Variants in TMEM217 observed in about 807,000 individuals in gnomAD.
The protein encoded by TMEM217 is chromosome 6 open reading frame 128.
For synonymous variants in TMEM217, 76 were observed against 88.3 expected (o/e 0.86, Z 0.78); for missense variants, 204 against 248.8 (o/e 0.82, Z 1.21).
At chr6:37,254,193 G>A (rs985500796) in intron 1 of TMEM217, among the ~76,000 whole-genome samples, 1 of 152,152 alleles carries the variant, frequency 6.6e-6, no homozygotes, top group African/African-American at 2.4e-5. Flanking sequence ...CAGACCTCCT[G>A]AATCAGAATC....
rs551892112 is a variant in TMEM217, at chr6:37,233,303, A to G, written c.-11-14262T>C. Among the ~76,000 whole-genome samples the G allele has an allele frequency of 4.6e-5, 7 of 152,310 alleles. No individual in the cohort carries two copies. In the South Asian group the frequency reaches 1.4e-3, roughly 32 times the overall value. On this transcript the variant is annotated intron_variant, in intron 1 of 1. Transcript: ENST00000357219. ...ACTCTCCTTCCCACCAATCTCTTGA[A>G]TCATTATTTTTCTGATCCATCTTAG...
intron 1 of TMEM217, among the ~76,000 whole-genome samples, chr6:37,253,275 C>T (rs915741061): frequency 2.6e-5 from 4 of 152,012 alleles, no homozygotes; most frequent in Non-Finnish European, 5.9e-5. Flanking sequence ...TTTTCATTTT[C>T]CCCTGTTTAT....
At chr6:37,240,790 T>C (rs1764728436) in intron 1 of TMEM217, among the ~76,000 whole-genome samples, 1 of 152,216 alleles carries the variant, frequency 6.6e-6, no homozygotes, top group African/African-American at 2.4e-5. Context: ...CATCAAATGG[T>C]TGTTACTAAT....
At chr6:37,252,405 T>C (rs1392659748) in intron 1 of TMEM217, among the ~76,000 whole-genome samples, 2 of 151,866 alleles carry the variant, frequency 1.3e-5, no homozygotes, top group Non-Finnish European at 2.9e-5. Context: ...CCTAAAAATA[T>C]CTACAATCCT....
chr6:37,221,375 C>T (rs759318489), intron 1 of TMEM217, among the ~76,000 whole-genome samples: 13 of 151,854 alleles, frequency 8.6e-5, no homozygotes, highest in Non-Finnish European at 1.6e-4. Context: ...TTAGTAGAGA[C>T]GGGGTTTCGC....
downstream of TMEM217, chr6:37,215,058 C>T: frequency 9.6e-7 from 1 of 1,045,526 alleles, no homozygotes; most frequent in Non-Finnish European, 1.4e-6. Flanking sequence ...GTATAAAGCC[C>T]ACTGGTTCCA....
chr6:37,234,205 T>C (rs945647199), intron 1 of TMEM217, among the ~76,000 whole-genome samples: 2 of 152,012 alleles, frequency 1.3e-5, no homozygotes, highest in African/African-American at 4.8e-5. Context: ...ATTTGAATGA[T>C]TCTCCTGCCT....
At position 37,257,925 on chromosome 6, in the gene TMEM217, C is replaced by T. The variant is rs760828423; in HGVS notation, c.-369G>A. 40 of 1,613,884 alleles carry T rather than the reference C, an allele frequency of 2.5e-5. 1 individual carries two copies. In the South Asian group the frequency reaches 4.1e-4, roughly 16 times the overall value. The stretch of plus-strand genomic sequence containing the variant: ...CTTCCCCCGGCCAGAGCAATGGCCG[C>T]TGAGAACAGCAAGCAGTTTTGGAAG... On this transcript the variant is annotated 5_prime_UTR_variant, in exon 1 of 2. Transcript: ENST00000357219.
At chr6:37,227,390 C>T (rs1763897161) in intron 1 of TMEM217, among the ~76,000 whole-genome samples, 1 of 152,162 alleles carries the variant, frequency 6.6e-6, no homozygotes, top group Non-Finnish European at 1.5e-5. Context: ...TTTTTCCCAT[C>T]TATGCGGCAA....
intron 1 of TMEM217, among the ~76,000 whole-genome samples, chr6:37,244,971 T>G (rs1764974741): frequency 6.6e-6 from 1 of 152,218 alleles, no homozygotes; most frequent in Non-Finnish European, 1.5e-5. Flanking sequence ...TTTTTCATCA[T>G]CCAGCAGGCT....
chr6:37,255,391 G>T (rs1380639838), intron 1 of TMEM217, among the ~76,000 whole-genome samples: 1 of 152,020 alleles, frequency 6.6e-6, no homozygotes, highest in Non-Finnish European at 1.5e-5. Context: ...TTTTAACAGG[G>T]TGTCTCTGGG....
intron 1 of TMEM217, among the ~76,000 whole-genome samples, chr6:37,229,351 T>TG (rs1562010392): frequency 1.5e-5 from 2 of 136,428 alleles, no homozygotes; most frequent in African/African-American, 5.6e-5. Context: ...TTTTTTTTTT[T>TG]TTTTTTTTTG....
chr6:37,255,496 A>C (rs1379066842), intron 1 of TMEM217, among the ~76,000 whole-genome samples: 1 of 152,146 alleles, frequency 6.6e-6, no homozygotes, highest in Non-Finnish European at 1.5e-5. Context: ...CAGCCTGGGC[A>C]ACATGGTGAA....
chr6:37,227,412 G>A (rs1240666141), intron 1 of TMEM217, among the ~76,000 whole-genome samples: 2 of 152,010 alleles, frequency 1.3e-5, no homozygotes, highest in African/African-American at 4.8e-5. Flanking sequence ...ACTTCCAAGT[G>A]TGTACTCTTG....
chr6:37,226,225 G>C (rs191402121), intron 1 of TMEM217, among the ~76,000 whole-genome samples: 68 of 148,656 alleles, frequency 4.6e-4, no homozygotes, highest in African/African-American at 1.7e-3. Flanking sequence ...TTTATCTCAA[G>C]ATCACCATTC....
intron 1 of TMEM217, among the ~76,000 whole-genome samples, chr6:37,237,239 C>T (rs1024165573): frequency 6.6e-6 from 1 of 152,122 alleles, no homozygotes; most frequent in Non-Finnish European, 1.5e-5. Context: ...ATCAAAGTTC[C>T]CGCATTTGCC....
At chr6:37,234,300 A>G (rs1277510495) in intron 1 of TMEM217, among the ~76,000 whole-genome samples, 1 of 152,012 alleles carries the variant, frequency 6.6e-6, no homozygotes, top group African/African-American at 2.4e-5. Context: ...GGGTTTCTCC[A>G]TGTTGGCCAG....
chr6:37,257,795 A>G, exon 1 of TMEM217: 1 of 1,055,386 alleles, frequency 9.5e-7, no homozygotes, highest in Non-Finnish European at 1.4e-6. Flanking sequence ...CGTCCCCAGG[A>G]GCTGGGAGCG....
intron 1 of TMEM217, among the ~76,000 whole-genome samples, chr6:37,241,744 A>G (rs1481292268): frequency 6.6e-6 from 1 of 152,188 alleles, no homozygotes; most frequent in Admixed American, 6.5e-5. Context: ...GACATTTTGT[A>G]TATATATAAG....
Sources: allele counts gnomAD v4.1 joint callset (sites outside exome capture counted in the v4.1 genomes callset), GRCh38; gene constraint gnomAD v4.1.1; transcripts MANE v1.5; gene names NCBI Gene and HGNC (gene_info 2026-07-23, HGNC 2026-07-21).